The following HERPUD2 variants were observed in gnomAD, a reference collection of about 807,000 sequenced individuals.
HERPUD2 encodes HERPUD family member 2, also known as homocysteine-responsive endoplasmic reticulum-resident ubiquitin-like domain member 2 protein.
In HERPUD2, 13 loss-of-function variants were observed where a neutral mutation model predicts 49.9. The ratio of observed to expected loss-of-function variants is 0.26; its 90% CI spans 0.17 to 0.41. The LOEUF is 0.41. Ranked by LOEUF, HERPUD2 falls within the 10% of genes least tolerant of loss-of-function variation. The probability of loss-of-function intolerance (pLI) is 1.00; values close to 1 mark genes in which losing one functional copy is unlikely to be tolerated. For missense variants in HERPUD2, 449 were observed against 492.2 expected (o/e 0.91, Z 0.83); for synonymous variants, 172 against 171.4 (o/e 1.00, Z -0.03).
At chr7:35,646,582 G>A (rs1486744902) in intron 5 of HERPUD2, among the ~76,000 whole-genome samples, 2 of 151,968 alleles carry the variant, frequency 1.3e-5, no homozygotes, top group Admixed American at 1.3e-4. Context: ...GAAAAAGCAA[G>A]CAAGCATACT....
intron 5 of HERPUD2, among the ~76,000 whole-genome samples, chr7:35,639,463 T>C (rs923535393): frequency 1.3e-5 from 2 of 152,218 alleles, no homozygotes; most frequent in Non-Finnish European, 2.9e-5. Context: ...ATTCATGAAA[T>C]GTTAGCTAGT....
At chr7:35,687,391 G>C (rs1162482615) in intron 2 of HERPUD2, among the ~76,000 whole-genome samples, 1 of 152,128 alleles carries the variant, frequency 6.6e-6, no homozygotes, top group Non-Finnish European at 1.5e-5. Flanking sequence ...AATTCTATCA[G>C]GTTCACTACT....
Position 35,670,501 on chromosome 7 carries a change from T to C in HERPUD2, c.226-173A>G, listed in dbSNP as rs182976808. Among the ~76,000 whole-genome samples, 624 of 152,114 alleles carry C rather than the reference T, an allele frequency of 4.1e-3. 2 individuals are homozygous for C. Among genetic ancestry groups the C allele is most frequent in the Non-Finnish European group, 6.8e-3 (465 of 67,940 alleles). On this transcript the variant is annotated intron_variant, in intron 3 of 8. Transcript: ENST00000311350. ...ATTTGTCATTTTATTTGTGATCCTT[T>C]TGAATTCAATATTTTCTCCATACTT...
At chr7:35,639,278 C>T (rs971017672) in intron 5 of HERPUD2, among the ~76,000 whole-genome samples, 10 of 152,094 alleles carry the variant, frequency 6.6e-5, no homozygotes, top group African/African-American at 2.2e-4. Context: ...AGGTGATCCG[C>T]CCGCCTTGGA....
intron 5 of HERPUD2, among the ~76,000 whole-genome samples, chr7:35,661,710 T>TTGCACATTGATTTTG (rs1338683732): frequency 6.6e-6 from 1 of 152,200 alleles, no homozygotes; most frequent in Non-Finnish European, 1.5e-5. Flanking sequence ...CTTGTGAATT[T>TTGCACATTGATTTTG]TGCACATTGA....
chr7:35,634,522 T>C (rs771040310), intron 7 of HERPUD2, 93 bp from the exon 8 acceptor site: 6 of 710,972 alleles, frequency 8.4e-6, no homozygotes, highest in Non-Finnish European at 1.4e-5. Flanking sequence ...AAGAGAAAAA[T>C]GATTAAAACT....
chr7:35,648,189 T>C (rs1785090424), intron 5 of HERPUD2, among the ~76,000 whole-genome samples: 1 of 152,188 alleles, frequency 6.6e-6, no homozygotes. Flanking sequence ...ACACTTTTGA[T>C]TCAGGAATTC....
At chr7:35,649,966 A>G (rs1366677438) in intron 5 of HERPUD2, among the ~76,000 whole-genome samples, 1 of 152,014 alleles carries the variant, frequency 6.6e-6, no homozygotes, top group Non-Finnish European at 1.5e-5. Context: ...CCGGGCTAAG[A>G]GGAGAGGTCC....
At chr7:35,637,519 G>A in intron 6 of HERPUD2, among the ~76,000 whole-genome samples, 1 of 152,184 alleles carries the variant, frequency 6.6e-6, no homozygotes, top group East Asian at 1.9e-4. Flanking sequence ...TACTGAATTT[G>A]AGGTAAAGGC....
chr7:35,674,027 C>T (rs1299242122), intron 2 of HERPUD2, among the ~76,000 whole-genome samples: 2 of 152,046 alleles, frequency 1.3e-5, no homozygotes, highest in Non-Finnish European at 2.9e-5. Context: ...GGTGAATGTT[C>T]TTTGAATTTT....
rs111415180 is a variant in HERPUD2, at chr7:35,655,449, T to C, written c.494+11985A>G. Among the ~76,000 whole-genome samples the C allele has an allele frequency of 5.2e-3, 797 of 152,222 alleles. 11 individuals carry two copies. The highest frequency in any genetic ancestry group is 0.018 in the African/African-American group (760 of 41,538). Reference sequence around the variant, plus strand: ...AAATCAATAAACATGATACATCACATCAACAGAATGAAGGACAAAAACCAT... The same window carrying C: ...AAATCAATAAACATGATACATCACACCAACAGAATGAAGGACAAAAACCAT... On this transcript the variant is annotated intron_variant, in intron 5 of 8. Transcript: ENST00000311350.
At chr7:35,678,108 G>A (rs1339468446) in intron 2 of HERPUD2, among the ~76,000 whole-genome samples, 3 of 152,100 alleles carry the variant, frequency 2.0e-5, no homozygotes, top group Admixed American at 1.3e-4. Flanking sequence ...GCTCTAATGA[G>A]ATTATGGAAA....
intron 5 of HERPUD2, among the ~76,000 whole-genome samples, chr7:35,640,307 C>T (rs1784949998): frequency 6.6e-6 from 1 of 152,116 alleles, no homozygotes; most frequent in Non-Finnish European, 1.5e-5. Context: ...AAGTAAATCT[C>T]CACCAATCTC....
intron 2 of HERPUD2, among the ~76,000 whole-genome samples, chr7:35,674,398 TATATATAGAGAGAG>T (rs1438721418): frequency 9.8e-5 from 6 of 61,364 alleles, no homozygotes; most frequent in East Asian, 4.4e-4. Context: ...TATATATATA[TATATATAGAGAGAG>T]AGAGAGAGAG....
intron 5 of HERPUD2, among the ~76,000 whole-genome samples, chr7:35,661,787 G>A (rs1310849427): frequency 6.6e-6 from 1 of 152,086 alleles, no homozygotes; most frequent in African/African-American, 2.4e-5. Flanking sequence ...GAGATGATAG[G>A]GTTTTCTAAA....
Position 35,635,254 on chromosome 7 carries a change from T to C in HERPUD2, c.822A>G (p.Arg274=). 6.2e-7 allele frequency: 1 copy of C among 1,614,114 alleles called. No individual in the cohort carries two copies. Among genetic ancestry groups the C allele is most frequent in the East Asian group, 2.2e-5 (1 of 44,884 alleles). Reference sequence around the variant, plus strand: ...ACGTGTACATCCAGTCTAGCCAGTCTCGATTGAAGTCTTCTTCATTTAGTA... The same window carrying C: ...ACGTGTACATCCAGTCTAGCCAGTCCCGATTGAAGTCTTCTTCATTTAGTA... The part of the protein sequence containing the change: ...GPVLNEEDFN[R]DWLDWMYTFS... Residue 274 remains arginine, a synonymous_variant, in exon 7 of 9, where the codon CGA becomes CGG. Transcript: ENST00000311350.
chr7:35,692,798 T>C (rs1320670845), intron 2 of HERPUD2, among the ~76,000 whole-genome samples: 1 of 152,224 alleles, frequency 6.6e-6, no homozygotes, highest in Non-Finnish European at 1.5e-5. Flanking sequence ...CTAAACTTAA[T>C]ACTACAACAC....
chr7:35,641,798 C>G (rs1257535134), intron 5 of HERPUD2, among the ~76,000 whole-genome samples: 2 of 152,048 alleles, frequency 1.3e-5, no homozygotes, highest in Non-Finnish European at 2.9e-5. Flanking sequence ...CCTTACATCA[C>G]AGACAAAAAA....
chr7:35,683,202 T>TGG (rs1358395663), intron 2 of HERPUD2, among the ~76,000 whole-genome samples: 4 of 152,152 alleles, frequency 2.6e-5, no homozygotes, highest in Non-Finnish European at 5.9e-5. Flanking sequence ...CAAAACAACA[T>TGG]GGTACTGATA....
Sources: allele counts gnomAD v4.1 joint callset (sites outside exome capture counted in the v4.1 genomes callset), GRCh38; gene constraint gnomAD v4.1.1; transcripts MANE v1.5; gene names NCBI Gene and HGNC (gene_info 2026-07-23, HGNC 2026-07-21).